The following LYPD6B variants were observed in gnomAD, a reference collection of about 807,000 sequenced individuals.
LYPD6B encodes the protein LY6/PLAUR domain containing 6B, also known as ly6/PLAUR domain-containing protein 6B.
A neutral mutation model predicts 22.8 loss-of-function variants in LYPD6B; 17 were observed. The ratio of observed to expected loss-of-function variants is 0.75; its 90% CI spans 0.51 to 1.12. The LOEUF (loss-of-function observed/expected upper bound fraction) is 1.12. Ranked by LOEUF, LYPD6B falls within the 50% of genes most tolerant of loss-of-function variation. The pLI is 0.00. For synonymous variants in LYPD6B, 106 were observed against 91.6 expected (o/e 1.16, Z -0.90); for missense variants, 221 against 258.3 (o/e 0.86, Z 0.99).
chr2:149,109,378 T>C (rs962612212), intron 1 of LYPD6B, among the ~76,000 whole-genome samples: 1 of 152,190 alleles, frequency 6.6e-6, no homozygotes, highest in African/African-American at 2.4e-5. Context: ...ATAAGAAATC[T>C]GTTGTCCTCC....
At position 149,205,295 on chromosome 2, in the gene LYPD6B, G is replaced by A. The variant is rs1170713977; in HGVS notation, c.120G>A (p.Leu40=). 6.2e-7 allele frequency: 1 copy of A among 1,613,940 alleles called. No homozygotes were observed. Among genetic ancestry groups the A allele is most frequent in the Non-Finnish European group, 8.5e-7 (1 of 1,179,842 alleles). The change falls in exon 4 of 7, where the codon CTG becomes CTA. Residue 40 remains leucine (L), a synonymous_variant. Transcript: ENST00000409642. The stretch of plus-strand genomic sequence containing the variant: ...GCCCAGCACACAAGGTCAGCATGCT[G>A]CTCCTCTGTCACGCTCTCGCTATAG... The part of the protein sequence containing the change: ...SDRPAHKVSM[L]LLCHALAIAV...
chr2:149,096,965 G>A (rs1467077550), intron 1 of LYPD6B, among the ~76,000 whole-genome samples: 1 of 152,232 alleles, frequency 6.6e-6, no homozygotes, highest in East Asian at 1.9e-4. Context: ...TTCTCAAAAT[G>A]TGGAGCTAAA....
rs564664912 is a variant in LYPD6B, at chr2:149,174,326, C to T, written c.77+13491C>T. 3.3e-5 allele frequency among the ~76,000 whole-genome samples: 5 copies of T among 152,294 alleles called. No homozygotes were observed. The East Asian group carries it at 7.7e-4, about 23-fold the overall frequency. ...TCTAGAAAAAGGATTGTGTCATCTG[C>T]CAACAAAGATAGTTTGATATCCTCC... On this transcript the variant is annotated intron_variant, in intron 3 of 6. Coordinates refer to ENST00000409642, the MANE Select transcript of LYPD6B (RefSeq NM_177964.5).
rs181711702 is a variant in LYPD6B at position 149,104,457 on chromosome 2, G to A, written c.-66-26426G>A. The stretch of plus-strand genomic sequence containing the variant: ...AAAATGGCTAACATACCGTGTGTTG[G>A]TAAGGTTGCATCTCCCAACTGAGTA... On this transcript the variant is annotated intron_variant, in intron 1 of 6. Transcript: ENST00000409642. 5.1e-3 allele frequency among the ~76,000 whole-genome samples: 784 copies of A among 152,250 alleles called. 8 individuals carry two copies. The highest frequency in any genetic ancestry group is 7.2e-3 in the Non-Finnish European group (491 of 68,012).
intron 1 of LYPD6B, chr2:149,118,172 T>G (rs1687097571): frequency 1.3e-5 from 2 of 152,256 alleles, no homozygotes; most frequent in Non-Finnish European, 2.9e-5. Flanking sequence ...TAGCCAGGCT[T>G]CAGTGTGTGT....
At chr2:149,065,068 G>A (rs1048118547) in intron 1 of LYPD6B, among the ~76,000 whole-genome samples, 2 of 152,184 alleles carry the variant, frequency 1.3e-5, no homozygotes, top group African/African-American at 4.8e-5. Flanking sequence ...GAGTAAAAGG[G>A]CAGGGACTGC....
chr2:149,087,503 C>G (rs1275892672), intron 1 of LYPD6B, among the ~76,000 whole-genome samples: 1 of 152,068 alleles, frequency 6.6e-6, no homozygotes, highest in African/African-American at 2.4e-5. Context: ...AAGTTCAAGG[C>G]TGCAGTGAGC....
chr2:149,061,768 G>A (rs1238169362), intron 1 of LYPD6B, among the ~76,000 whole-genome samples: 1 of 152,026 alleles, frequency 6.6e-6, no homozygotes, highest in Non-Finnish European at 1.5e-5. Flanking sequence ...ATGGGGACAG[G>A]CAAGACATTC....
intron 2 of LYPD6B, chr2:149,154,002 T>C: frequency 1.1e-6 from 1 of 901,270 alleles, no homozygotes; most frequent in Non-Finnish European, 1.3e-6. Context: ...TCAGCCTGGC[T>C]CCTGACTAGG....
intron 1 of LYPD6B, among the ~76,000 whole-genome samples, chr2:149,115,910 T>C (rs976881506): frequency 4.6e-5 from 7 of 152,254 alleles, no homozygotes; most frequent in African/African-American, 1.7e-4. Context: ...CCTCTCACTG[T>C]CACGAGTCAT....
intron 2 of LYPD6B, among the ~76,000 whole-genome samples, chr2:149,156,217 G>A (rs1018188554): frequency 2.6e-5 from 4 of 152,118 alleles, no homozygotes; most frequent in African/African-American, 7.2e-5. Flanking sequence ...GGAAGGCAGT[G>A]GTCTCCTGTT....
chr2:149,152,388 T>G (rs901252783), intron 2 of LYPD6B, among the ~76,000 whole-genome samples: 4 of 152,196 alleles, frequency 2.6e-5, no homozygotes, highest in Non-Finnish European at 4.4e-5. Context: ...AGGGGCTCTT[T>G]CCTATTCATT....
chr2:149,086,319 T>A (rs917759673), intron 1 of LYPD6B, among the ~76,000 whole-genome samples: 3 of 151,658 alleles, frequency 2.0e-5, no homozygotes, highest in African/African-American at 7.3e-5. Context: ...AGGAGAAGAG[T>A]GGGCTGGTCT....
chr2:149,039,932 C>G (rs528225091), intron 1 of LYPD6B, among the ~76,000 whole-genome samples: 1 of 152,160 alleles, frequency 6.6e-6, no homozygotes, highest in Non-Finnish European at 1.5e-5. Flanking sequence ...TTGCCTTATA[C>G]TATGTAGAAA....
intron 1 of LYPD6B, among the ~76,000 whole-genome samples, chr2:149,087,179 C>T (rs547302890): frequency 4.6e-5 from 7 of 152,238 alleles, no homozygotes; most frequent in South Asian, 4.1e-4. Flanking sequence ...ACACTTGTAA[C>T]GTTACACTGT....
In LYPD6B at chr2:149,089,911, C is replaced by A. The variant is rs188629981; in HGVS notation, c.-66-40972C>A. On this transcript the variant is annotated intron_variant, in intron 1 of 6. Coordinates refer to ENST00000409642, the MANE Select transcript of LYPD6B (RefSeq NM_177964.5). The stretch of plus-strand genomic sequence containing the variant: ...GTGAGTGTTTGGAACATTGTTATTG[C>A]AGCCAAATGTTTATTTTTCACAGCT... Among the ~76,000 whole-genome samples the A allele has an allele frequency of 2.1e-3, 326 of 152,294 alleles. 1 individual carries two copies. The highest frequency in any genetic ancestry group is 3.0e-3 in the Non-Finnish European group (205 of 68,020).
intron 1 of LYPD6B, among the ~76,000 whole-genome samples, chr2:149,117,309 C>T (rs961053244): frequency 4.7e-5 from 7 of 148,254 alleles, no homozygotes; most frequent in South Asian, 2.1e-4. Context: ...CTCCCTCTGT[C>T]GCTCAGGCAA....
chr2:149,135,491 G>T (rs10202210), intron 2 of LYPD6B, among the ~76,000 whole-genome samples: 2 of 150,998 alleles, frequency 1.3e-5, no homozygotes, highest in African/African-American at 2.4e-5. Flanking sequence ...AGGCCAAGGC[G>T]GGTGGATCAC....
chr2:149,185,642 G>A (rs574435539), intron 3 of LYPD6B, among the ~76,000 whole-genome samples: 2 of 152,236 alleles, frequency 1.3e-5, no homozygotes, highest in South Asian at 4.2e-4. Context: ...GAAAATACAG[G>A]CCTACCTTGT....
Sources: allele counts gnomAD v4.1 joint callset (sites outside exome capture counted in the v4.1 genomes callset), GRCh38; gene constraint gnomAD v4.1.1; transcripts MANE v1.5; gene names NCBI Gene and HGNC (gene_info 2026-07-23, HGNC 2026-07-21).